Variants in TMEM168 observed in about 807,000 individuals in gnomAD.
TMEM168 encodes the protein transmembrane protein 168.
TMEM168 carries 40 observed loss-of-function variants against 53.2 expected under a neutral mutation model. The ratio of observed to expected loss-of-function variants is 0.75; its 90% CI spans 0.58 to 0.98. The LOEUF (loss-of-function observed/expected upper bound fraction) is 0.98, where lower values mean the gene tolerates loss of function less well. Ranked by LOEUF, TMEM168 falls within the 50% of genes least tolerant of loss-of-function variation. TMEM168 has a pLI of 0.00. For synonymous variants in TMEM168, 282 were observed against 293.0 expected (o/e 0.96, Z 0.38); for missense variants, 771 against 828.8 (o/e 0.93, Z 0.86).
intron 4 of TMEM168, among the ~76,000 whole-genome samples, chr7:112,770,465 C>CA (rs1225620819): frequency 2.0e-5 from 3 of 151,830 alleles, no homozygotes; most frequent in Non-Finnish European, 4.4e-5. Flanking sequence ...TAGCATACTT[C>CA]AAAAAAATTA....
intron 1 of TMEM168, among the ~76,000 whole-genome samples, chr7:112,789,600 C>A (rs915189968): frequency 6.6e-6 from 1 of 152,158 alleles, no homozygotes; most frequent in Admixed American, 6.5e-5. Context: ...CAAATTCTTC[C>A]AAACCAATTC....
rs761462770 is a variant in TMEM168 at position 112,784,483 on chromosome 7, T to C, written c.343A>G (p.Lys115Glu). The C allele has an allele frequency of 3.7e-5, 59 of 1,613,970 alleles. No individual in the cohort carries two copies. Among genetic ancestry groups the C allele is most frequent in the Non-Finnish European group, 4.7e-5 (56 of 1,180,002 alleles). Residue 115 changes from lysine (K) to glutamate (E), a missense_variant, in exon 2 of 5, where the codon AAA (lysine) becomes GAA (glutamate). Coordinates refer to ENST00000312814, the MANE Select transcript of TMEM168 (RefSeq NM_022484.6). ...GTTGATTCTTCTTTTACATCATTTT[T>C]AAAGGATGAATTATCAAGAAAACAT... The part of the protein sequence containing the change: ...LLCFLDNSSF[K>E]NDVKEESTKY...
chr7:112,768,190 A>G (rs766381585), intron 4 of TMEM168, among the ~76,000 whole-genome samples: 2 of 152,234 alleles, frequency 1.3e-5, no homozygotes, highest in Admixed American at 6.5e-5. Context: ...GAAAATCAGA[A>G]TATTTTGTGA....
chr7:112,770,582 T>C (rs560819167), intron 4 of TMEM168, among the ~76,000 whole-genome samples: 1 of 146,748 alleles, frequency 6.8e-6, no homozygotes, highest in African/African-American at 2.7e-5. Flanking sequence ...GAATGAAAAT[T>C]TAGAAAAACT....
intron 4 of TMEM168, among the ~76,000 whole-genome samples, chr7:112,771,857 A>G (rs1204979537): frequency 5.9e-5 from 8 of 134,804 alleles, no homozygotes; most frequent in Non-Finnish European, 1.7e-5. Context: ...ACTTTTATGG[A>G]AAAAAAAATC....
At position 112,783,959 on chromosome 7, in the gene TMEM168, G is replaced by A. The variant is rs755725693; in HGVS notation, c.867C>T (p.His289=). ...ILSAFKLRDT[H]LWYFVIPGFS... ...AGCCAGGTATTACAAAATACCAGAG[G>A]TGAGTGTCTCTAAGTTTGAATGCGG... The change falls in exon 2 of 5, where the codon CAC becomes CAT. Residue 289 remains histidine, a synonymous_variant. Coordinates refer to ENST00000312814, the MANE Select transcript of TMEM168 (RefSeq NM_022484.6). 2 of 1,612,092 alleles carry A rather than the reference G, an allele frequency of 1.2e-6. No homozygotes were observed. Among genetic ancestry groups the A allele is most frequent in the Admixed American group, 1.7e-5 (1 of 59,736 alleles).
rs780648868 is a variant in TMEM168, at chr7:112,790,326, G to A, written c.-295C>T. On this transcript the variant is annotated 5_prime_UTR_variant, in exon 1 of 5. Coordinates refer to ENST00000312814, the MANE Select transcript of TMEM168 (RefSeq NM_022484.6). The stretch of plus-strand genomic sequence containing the variant: ...AGGCCATACGCGCTAATACAGGCCA[G>A]TGTCGGCGTAAACTTTCTCCGTTAC... 2.6e-5 allele frequency: 4 copies of A among 152,334 alleles called. No individual in the cohort carries two copies. The highest frequency in any genetic ancestry group is 5.9e-5 in the Non-Finnish European group (4 of 68,122). 9.4% of individuals were successfully genotyped at this position (152,334 alleles called of 1,614,324 possible).
At chr7:112,775,564 A>T (rs937013981) in intron 2 of TMEM168, among the ~76,000 whole-genome samples, 3 of 151,838 alleles carry the variant, frequency 2.0e-5, no homozygotes, top group African/African-American at 7.3e-5. Context: ...CATCATTTTT[A>T]AAAAAGAATT....
Position 112,781,956 on chromosome 7 carries a change from G to A in TMEM168, c.1128+1742C>T, listed in dbSNP as rs76046702. Among the ~76,000 whole-genome samples the A allele has an allele frequency of 1.9e-3, 288 of 152,208 alleles. 5 individuals carry two copies. The East Asian group carries it at 0.047, about 25-fold the overall frequency. On this transcript the variant is annotated intron_variant, in intron 2 of 4. Coordinates refer to ENST00000312814, the MANE Select transcript of TMEM168 (RefSeq NM_022484.6). ...TATCATTCAGAAAATAAAAACAGAA[G>A]CCACAGACTGGGAGTAAACATTTCC... is the stretch of plus-strand genomic sequence containing the variant.
At chr7:112,773,632 G>A (rs1792991120) in intron 3 of TMEM168, among the ~76,000 whole-genome samples, 1 of 151,944 alleles carries the variant, frequency 6.6e-6, no homozygotes, top group African/African-American at 2.4e-5. Context: ...GACACTAGTT[G>A]AAGACTTAGA....
rs531214757 is a variant in TMEM168, at chr7:112,775,250, G to C, written c.1197C>G (p.Leu399=). ...CTAAACAGTTACCCAATTCATGGAAGAGCCCATGAGCCATGGATTCCAATG... is the reference window on the plus strand; with the variant it reads ...CTAAACAGTTACCCAATTCATGGAACAGCCCATGAGCCATGGATTCCAATG... The part of the protein sequence containing the change: ...VLPLESMAHG[L]FHELGNCLGG... Residue 399 remains leucine (L), a synonymous_variant, in exon 3 of 5, where the codon CTC becomes CTG. Transcript: ENST00000312814. 4 of 1,613,610 alleles carry C rather than the reference G, an allele frequency of 2.5e-6. No homozygotes were observed. Among genetic ancestry groups the C allele is most frequent in the Non-Finnish European group, 2.5e-6 (3 of 1,179,740 alleles).
chr7:112,776,421 A>C (rs1008308159), intron 2 of TMEM168, among the ~76,000 whole-genome samples: 1 of 152,098 alleles, frequency 6.6e-6, no homozygotes. Flanking sequence ...AAACTATTAC[A>C]TTCTTCCGGT....
Position 112,772,843 on chromosome 7 carries a change from T to C in TMEM168, c.1484A>G (p.His495Arg), listed in dbSNP as rs1167943874. Reference sequence around the variant, plus strand: ...ACTGTAATACAAAATATACGTATCATGTCTGGGTCCATCCACTGTCCGAAG... The same window carrying C: ...ACTGTAATACAAAATATACGTATCACGTCTGGGTCCATCCACTGTCCGAAG... ...LELRTVDGPR[H>R]DTYILYYSGH... The change falls in exon 4 of 5, where the codon CAT becomes CGT. Residue 495 changes from histidine (H) to arginine (R), a missense_variant. By Grantham distance (29) the His-to-Arg change is conservative. Coordinates refer to ENST00000312814, the MANE Select transcript of TMEM168 (RefSeq NM_022484.6). 3.1e-6 allele frequency: 5 copies of C among 1,614,104 alleles called. No individual in the cohort carries two copies. The highest frequency in any genetic ancestry group is 4.2e-6 in the Non-Finnish European group (5 of 1,179,968).
At chr7:112,770,365 C>CT (rs558065713) in intron 4 of TMEM168, among the ~76,000 whole-genome samples, 4 of 152,066 alleles carry the variant, frequency 2.6e-5, no homozygotes, top group East Asian at 1.9e-4. Context: ...CTTTCTCTCT[C>CT]TTTTTTTTAA....
At chr7:112,788,476 A>G (rs1224273233) in intron 1 of TMEM168, 1 of 152,220 alleles carries the variant, frequency 6.6e-6, no homozygotes, top group Non-Finnish European at 1.5e-5. Context: ...CAAAATCAAC[A>G]TGGCAGATTG....
chr7:112,784,269 G>A lies in TMEM168; in HGVS notation c.557C>T (p.Ala186Val). The A allele has an allele frequency of 1.2e-6, 2 of 1,614,082 alleles. No individual in the cohort carries two copies. Among genetic ancestry groups the A allele is most frequent in the Non-Finnish European group, 1.7e-6 (2 of 1,179,986 alleles). ...KSLSVILLVV[A>V]LAMLIIDLRM... is the part of the protein sequence containing the mutation. ...CAGATCAATAATCAGCATAGCCAGA[G>A]CTACAACAAGCAAAATGACACTCAG... Residue 186 changes from alanine (A) to valine (V), a missense_variant, in exon 2 of 5, where the codon GCT (alanine) becomes GTT (valine). Ala to Val is a moderately conservative substitution (Grantham distance 64). Transcript: ENST00000312814.
chr7:112,780,107 A>T (rs2116278402), intron 2 of TMEM168, among the ~76,000 whole-genome samples: 1 of 152,322 alleles, frequency 6.6e-6, no homozygotes, highest in Non-Finnish European at 1.5e-5. Flanking sequence ...CTTTACGTGG[A>T]AGAAGTAGGG....
At chr7:112,789,178 G>A (rs1313382846) in intron 1 of TMEM168, among the ~76,000 whole-genome samples, 2 of 151,978 alleles carry the variant, frequency 1.3e-5, no homozygotes, top group Non-Finnish European at 2.9e-5. Context: ...CTCACACCTG[G>A]CTTATTCCAA....
At chr7:112,787,131 T>A (rs1469657206) in intron 1 of TMEM168, among the ~76,000 whole-genome samples, 3 of 152,206 alleles carry the variant, frequency 2.0e-5, no homozygotes, top group African/African-American at 7.2e-5. Context: ...CTGTTTCTTT[T>A]AAAAACAATA....
Sources: allele counts gnomAD v4.1 joint callset (sites outside exome capture counted in the v4.1 genomes callset), GRCh38; gene constraint gnomAD v4.1.1; transcripts MANE v1.5; gene names NCBI Gene and HGNC (gene_info 2026-07-23, HGNC 2026-07-21).